AFDN: variants seen among roughly 807,000 people sequenced by gnomAD.
The protein encoded by AFDN is afadin.
A neutral mutation model predicts 216.6 loss-of-function variants in AFDN; 68 were observed. The observed-to-expected ratio is 0.31, with a 90% confidence interval of 0.26 to 0.38. The LOEUF (loss-of-function observed/expected upper bound fraction) is 0.38, where lower values mean the gene tolerates loss of function less well. Among genes scored for constraint, AFDN ranks in the 10% least tolerant of loss-of-function variants. The pLI is 1.00. For synonymous variants in AFDN, 868 were observed against 853.7 expected, an observed-to-expected ratio of 1.02 and a Z score of -0.29; for missense variants, 2,136 against 2,342.0, an observed-to-expected ratio of 0.91 and a Z score of 1.82.
At chr6:167,848,410 G>A (rs982585845) in intron 1 of AFDN, among the ~76,000 whole-genome samples, 7 of 152,096 alleles carry the variant, frequency 4.6e-5, no homozygotes, top group African/African-American at 9.7e-5. Flanking sequence ...AACTACTGAC[G>A]TGAAACTTCA....
chr6:167,834,797 C>T (rs1359696063), intron 1 of AFDN, among the ~76,000 whole-genome samples: 1 of 151,926 alleles, frequency 6.6e-6, no homozygotes, highest in Non-Finnish European at 1.5e-5. Flanking sequence ...CTGGGCAACA[C>T]AGTGAGGTCC....
chr6:167,876,037 C>T (rs1364505481), intron 5 of AFDN, among the ~76,000 whole-genome samples: 3 of 152,160 alleles, frequency 2.0e-5, no homozygotes, highest in African/African-American at 7.2e-5. Context: ...CTGATTGCCT[C>T]AGATGATTCT....
chr6:167,900,939 T>C (rs1045572326), intron 11 of AFDN, among the ~76,000 whole-genome samples: 1 of 152,214 alleles, frequency 6.6e-6, no homozygotes, highest in Non-Finnish European at 1.5e-5. Flanking sequence ...GTGCAGAAAA[T>C]TGACAATTAT....
At chr6:167,913,761 T>C (rs1049069678) in intron 16 of AFDN, 30 of 416,870 alleles carry the variant, frequency 7.2e-5, no homozygotes, top group African/African-American at 5.8e-4. Context: ...TACTTGATAC[T>C]GAGTTGCATG....
chr6:167,915,212 C>T lies in AFDN; in HGVS notation c.2344C>T (p.Arg782Cys), dbSNP rs756328633. 6.2e-6 allele frequency: 10 copies of T among 1,614,114 alleles called. No homozygotes were observed. The highest frequency in any genetic ancestry group is 2.7e-5 in the African/African-American group (2 of 74,954). ...TLTGAMSLLR[R>C]CRVNAALTIQ... ...CACAGGAGCCATGTCCTTGCTACGACGCTGCAGAGTCAATGCCGCCCTGAC... is the reference window on the plus strand; with the variant it reads ...CACAGGAGCCATGTCCTTGCTACGATGCTGCAGAGTCAATGCCGCCCTGAC... The change falls in exon 19 of 34, where the codon CGC becomes TGC. Residue 782 changes from arginine (R) to cysteine (C), a missense_variant. Arg to Cys is a radical substitution (Grantham distance 180). Transcript: ENST00000683244.
At chr6:167,834,767 C>G (rs1486704458) in intron 1 of AFDN, among the ~76,000 whole-genome samples, 3 of 151,938 alleles carry the variant, frequency 2.0e-5, no homozygotes, top group African/African-American at 7.3e-5. Flanking sequence ...ATTGCTTGAG[C>G]CCAAAAGTTT....
chr6:167,866,316 T>G (rs1006495113), intron 2 of AFDN, among the ~76,000 whole-genome samples: 1 of 152,210 alleles, frequency 6.6e-6, no homozygotes, highest in African/African-American at 2.4e-5. Context: ...TCCACACCTT[T>G]GGGCTTAAAG....
intron 1 of AFDN, among the ~76,000 whole-genome samples, chr6:167,839,770 A>G (rs1028647438): frequency 1.3e-5 from 2 of 152,184 alleles, no homozygotes; most frequent in African/African-American, 2.4e-5. Flanking sequence ...AAAAGCTCCC[A>G]TTTCAGTATG....
intron 8 of AFDN, among the ~76,000 whole-genome samples, chr6:167,891,999 A>C (rs2128345456): frequency 6.6e-6 from 1 of 152,206 alleles, no homozygotes; most frequent in South Asian, 2.1e-4. Flanking sequence ...TTTTATTTGC[A>C]AGGTTTGTTT....
At chr6:167,857,349 G>A (rs189054970) in intron 1 of AFDN, among the ~76,000 whole-genome samples, 13 of 152,112 alleles carry the variant, frequency 8.5e-5, no homozygotes, top group African/African-American at 1.7e-4. Context: ...TTTTCACCAC[G>A]TTATTGTGTT....
At chr6:167,883,646 T>G (rs1010477765) in intron 6 of AFDN, among the ~76,000 whole-genome samples, 1 of 152,214 alleles carries the variant, frequency 6.6e-6, no homozygotes, top group Non-Finnish European at 1.5e-5. Flanking sequence ...GCAGTAGCAT[T>G]GTGTTTAAGA....
chr6:167,932,067 A>G (rs981790179), intron 23 of AFDN, among the ~76,000 whole-genome samples: 2 of 152,122 alleles, frequency 1.3e-5, no homozygotes, highest in Admixed American at 6.5e-5. Context: ...TGCTGTTTGT[A>G]TTCTTGTTAG....
chr6:167,836,920 T>C (rs948001973), intron 1 of AFDN, among the ~76,000 whole-genome samples: 5 of 152,218 alleles, frequency 3.3e-5, no homozygotes, highest in African/African-American at 4.8e-5. Context: ...AGGAGTACCA[T>C]GGACAGTGTT....
intron 1 of AFDN, among the ~76,000 whole-genome samples, chr6:167,852,163 T>C (rs1197322244): frequency 6.6e-6 from 1 of 152,208 alleles, no homozygotes; most frequent in Non-Finnish European, 1.5e-5. Flanking sequence ...TTAGCCAGAA[T>C]TCTTTGTTAT....
chr6:167,897,642 CTT>C (rs57383020), intron 10 of AFDN, among the ~76,000 whole-genome samples: 2 of 89,752 alleles, frequency 2.2e-5, no homozygotes, highest in African/African-American at 5.1e-5. Flanking sequence ...GACTGTATGC[CTT>C]TTTTTTTTTT....
chr6:167,969,886 A>C lies in AFDN; in HGVS notation c.5447A>C (p.Lys1816Thr). ...SQGQDVSNKV[K>T]ASRKLTELEN... ...GGTCAAGATGTATCCAATAAAGTGA[A>C]AGCTTCTCGTAAATTAACAGAACTG... The change falls in exon 34 of 34, where the codon AAA becomes ACA. Residue 1816 changes from lysine to threonine, a missense_variant. By Grantham distance (78) the Lys-to-Thr change is moderately conservative. Coordinates refer to ENST00000683244, the MANE Select transcript of AFDN (RefSeq NM_001386888.1). 1 of 1,612,478 alleles carries C rather than the reference A, an allele frequency of 6.2e-7. No homozygotes were observed. Among genetic ancestry groups the C allele is most frequent in the Non-Finnish European group, 8.5e-7 (1 of 1,179,504 alleles).
intron 1 of AFDN, among the ~76,000 whole-genome samples, chr6:167,830,898 C>A (rs1031015929): frequency 7.2e-6 from 1 of 138,708 alleles, no homozygotes; most frequent in Non-Finnish European, 1.5e-5. Flanking sequence ...TAGCTTGTGA[C>A]TATGCTTTAT....
intron 17 of AFDN, 108 bp from the exon 18 acceptor site, chr6:167,914,536 T>A: frequency 1.1e-6 from 1 of 943,404 alleles, no homozygotes; most frequent in Non-Finnish European, 1.6e-6. Context: ...CATTTTTTTT[T>A]TAATGGAAAA....
intron 1 of AFDN, among the ~76,000 whole-genome samples, chr6:167,842,131 T>G (rs1023208798): frequency 7.2e-5 from 11 of 152,164 alleles, no homozygotes; most frequent in African/African-American, 2.7e-4. Flanking sequence ...ATTTAACCCT[T>G]GCCTTTCTTG....
Sources: allele counts gnomAD v4.1 joint callset (sites outside exome capture counted in the v4.1 genomes callset), GRCh38; gene constraint gnomAD v4.1.1; transcripts MANE v1.5; gene names NCBI Gene and HGNC (gene_info 2026-07-23, HGNC 2026-07-21).